Variants in TBC1D23 observed in about 807,000 individuals in gnomAD.
TBC1D23 encodes the protein TBC1 domain family member 23.
In TBC1D23, 55 loss-of-function variants were observed where a neutral mutation model predicts 91.4. That is an observed-to-expected ratio of 0.60 (90% confidence interval 0.48 to 0.75). TBC1D23 has a LOEUF of 0.75. Ranked by LOEUF, TBC1D23 falls within the 30% of genes least tolerant of loss-of-function variation. TBC1D23 has a pLI of 0.00. For missense variants in TBC1D23, 725 were observed against 836.1 expected (o/e 0.87, Z 1.64); for synonymous variants, 289 against 281.0 (o/e 1.03, Z -0.28).
intron 4 of TBC1D23, 83 bp downstream of exon 4, chr3:100,283,894 T>C (rs1260131647): frequency 2.2e-5 from 17 of 762,032 alleles, no homozygotes; most frequent in Non-Finnish European, 3.3e-5. Context: ...AGATTTACTT[T>C]GGCGGTAAAG....
intron 5 of TBC1D23, 57 bp from the exon 6 acceptor site, chr3:100,295,030 T>C: frequency 6.7e-7 from 1 of 1,493,112 alleles, no homozygotes; most frequent in Non-Finnish European, 8.9e-7. Context: ...TTAATACTTT[T>C]AAGAGAACAA....
chr3:100,313,271 A>G (rs986198466), intron 15 of TBC1D23, among the ~76,000 whole-genome samples: 9 of 152,110 alleles, frequency 5.9e-5, no homozygotes, highest in Non-Finnish European at 1.2e-4. Context: ...CAAATTATTA[A>G]TTTTTGTAAC....
chr3:100,266,742 G>GT (rs368854290), intron 1 of TBC1D23, among the ~76,000 whole-genome samples: 15 of 152,130 alleles, frequency 9.9e-5, no homozygotes, highest in African/African-American at 3.6e-4. Flanking sequence ...CATTCCCTCT[G>GT]TAAGTATAGT....
At chr3:100,315,877 T>G (rs571101216) in intron 15 of TBC1D23, 1 of 544,032 alleles carries the variant, frequency 1.8e-6, no homozygotes, top group South Asian at 2.6e-5. Context: ...TTTAAGAGCA[T>G]TCAGCCTACC....
chr3:100,312,259 A>G (rs1228157273), intron 15 of TBC1D23, among the ~76,000 whole-genome samples: 1 of 152,172 alleles, frequency 6.6e-6, no homozygotes, highest in Admixed American at 6.5e-5. Flanking sequence ...AGCAGAGAAA[A>G]TTATAGCACC....
chr3:100,306,317 A>C, intron 12 of TBC1D23, 120 bp from the exon 13 acceptor site: 36 of 583,004 alleles, frequency 6.2e-5, no homozygotes, highest in Non-Finnish European at 7.0e-5. Flanking sequence ...AATACCTGTG[A>C]TTATTTCCTT....
At chr3:100,268,661 A>T (rs770844386) in intron 1 of TBC1D23, among the ~76,000 whole-genome samples, 1 of 152,198 alleles carries the variant, frequency 6.6e-6, no homozygotes, top group Non-Finnish European at 1.5e-5. Context: ...GCCATTCTCT[A>T]TCTTAGGCAA....
chr3:100,297,194 C>T (rs1230216448), intron 8 of TBC1D23, among the ~76,000 whole-genome samples: 1 of 152,000 alleles, frequency 6.6e-6, no homozygotes, highest in Non-Finnish European at 1.5e-5. Context: ...TTAAAGCATT[C>T]TGCCATAATA....
chr3:100,310,211 A>C (rs1029797894), intron 13 of TBC1D23, among the ~76,000 whole-genome samples, 192 bp from the exon 14 acceptor site: 1 of 152,220 alleles, frequency 6.6e-6, no homozygotes, highest in Non-Finnish European at 1.5e-5. Flanking sequence ...TGAAGACCTC[A>C]TTTAACCTTA....
At chr3:100,301,032 G>A (rs1289530448) in intron 10 of TBC1D23, among the ~76,000 whole-genome samples, 3 of 151,848 alleles carry the variant, frequency 2.0e-5, no homozygotes, top group Non-Finnish European at 4.4e-5. Context: ...TTGTTTTCTT[G>A]TAATAATGCT....
chr3:100,268,440 C>T (rs1379693328), intron 1 of TBC1D23, among the ~76,000 whole-genome samples: 1 of 151,878 alleles, frequency 6.6e-6, no homozygotes, highest in Non-Finnish European at 1.5e-5. Context: ...AACTATGATC[C>T]CCATTGGCAT....
intron 10 of TBC1D23, among the ~76,000 whole-genome samples, chr3:100,299,660 C>T (rs1032765663): frequency 6.6e-6 from 1 of 152,184 alleles, no homozygotes; most frequent in African/African-American, 2.4e-5. Flanking sequence ...CAGGCACCCA[C>T]CACCAGGCCC....
intron 5 of TBC1D23, among the ~76,000 whole-genome samples, chr3:100,291,195 C>A (rs1233408721): frequency 6.6e-6 from 1 of 152,148 alleles, no homozygotes; most frequent in Non-Finnish European, 1.5e-5. Context: ...AATGGGAAGT[C>A]TTACTTTAGG....
chr3:100,290,697 A>G lies in TBC1D23; in HGVS notation c.596A>G (p.Asn199Ser). 1 of 1,600,102 alleles carries G rather than the reference A, an allele frequency of 6.2e-7. No homozygotes were observed. Among genetic ancestry groups the G allele is most frequent in the Non-Finnish European group, 8.5e-7 (1 of 1,172,466 alleles). ...ATTACTCCAGACTCCTATGCACTCA[A>G]CTGGGTAATAAAGTGAAAGTAGGAA... ...KKITPDSYAL[N>S]WLGSLFACYC... The change falls in exon 5 of 19, where the codon AAC becomes AGC. Residue 199 changes from asparagine to serine, a missense_variant. Physicochemically the swap from Asn to Ser is conservative, Grantham distance 46 (BLOSUM62 1). Coordinates refer to ENST00000394144, the MANE Select transcript of TBC1D23 (RefSeq NM_001199198.3).
intron 1 of TBC1D23, among the ~76,000 whole-genome samples, chr3:100,262,596 G>C (rs1254965138): frequency 6.6e-6 from 1 of 150,738 alleles, no homozygotes; most frequent in Admixed American, 6.6e-5. Flanking sequence ...GTGGTGGCGC[G>C]TGCCTGTAAT....
chr3:100,322,128 C>G (rs921932929), intron 18 of TBC1D23, among the ~76,000 whole-genome samples: 13 of 152,118 alleles, frequency 8.5e-5, no homozygotes, highest in African/African-American at 2.7e-4. Flanking sequence ...GACGGAGTCT[C>G]TGTCACTCAG....
At chr3:100,287,733 C>T (rs1486922897) in intron 4 of TBC1D23, among the ~76,000 whole-genome samples, 1 of 152,110 alleles carries the variant, frequency 6.6e-6, no homozygotes, top group Non-Finnish European at 1.5e-5. Flanking sequence ...GACCTCACAT[C>T]TTAGATTTTA....
chr3:100,268,746 C>T (rs892347154), intron 1 of TBC1D23, among the ~76,000 whole-genome samples: 1 of 152,042 alleles, frequency 6.6e-6, no homozygotes, highest in Admixed American at 6.6e-5. Context: ...TTTCTTTGTG[C>T]CTTAAAAATA....
rs1559813233 is a variant in TBC1D23, at chr3:100,308,705, T to C, written c.1414-1698T>C. The stretch of plus-strand genomic sequence containing the variant: ...ATTTTCTGCTTTTTCACTAAACATA[T>C]GAGCATTTTCTAGCATTTTAAAATG... On this transcript the variant is annotated intron_variant, in intron 13 of 18. Transcript: ENST00000394144. Among the ~76,000 whole-genome samples the C allele has an allele frequency of 2.6e-5, 4 of 152,346 alleles. No homozygotes were observed. In the South Asian group the frequency reaches 8.3e-4, roughly 32 times the overall value.
Sources: gnomAD v4.1 joint callset for allele counts (sites outside exome capture counted in the v4.1 genomes callset) on GRCh38, gnomAD v4.1.1 for gene constraint, MANE v1.5 for transcripts, NCBI Gene and HGNC (gene_info 2026-07-23, HGNC 2026-07-21) for gene names.